Variants in MNDA observed in about 807,000 individuals in gnomAD.
The protein encoded by MNDA is epididymis secretory sperm binding protein.
In MNDA, 43 loss-of-function variants were observed where a neutral mutation model predicts 37.8. That is an observed-to-expected ratio of 1.14 (90% CI 0.89 to 1.47). MNDA has a LOEUF of 1.47. MNDA is among the 40% of genes most tolerant of loss of function. The pLI is 0.00. For missense variants in MNDA, 536 were observed against 476.0 expected (o/e 1.13, Z -1.17); for synonymous variants, 181 against 169.0 (o/e 1.07, Z -0.55).
At chr1:158,847,049 C>T (rs1054604649) in intron 5 of MNDA, among the ~76,000 whole-genome samples, 3 of 152,168 alleles carry the variant, frequency 2.0e-5, no homozygotes, top group African/African-American at 7.2e-5. Flanking sequence ...TCTGAAGTAA[C>T]TCAGGAGTGG....
At chr1:158,847,120 CAT>C (rs1659149249) in intron 5 of MNDA, among the ~76,000 whole-genome samples, 1 of 152,226 alleles carries the variant, frequency 6.6e-6, no homozygotes, top group Non-Finnish European at 1.5e-5. Flanking sequence ...TACACAAAGG[CAT>C]ACAGAGTGAT....
At chr1:158,847,977 T>G (rs1659174573) in intron 6 of MNDA, 61 bp downstream of exon 6, 2 of 1,500,148 alleles carry the variant, frequency 1.3e-6, no homozygotes, top group Non-Finnish European at 1.8e-6. Context: ...GCTTAGGCTT[T>G]GGGAACACCA....
chr1:158,833,701 A>T (rs1378146366), intron 1 of MNDA, among the ~76,000 whole-genome samples: 2 of 152,154 alleles, frequency 1.3e-5, no homozygotes, highest in Admixed American at 1.3e-4. Context: ...CATTTCATGT[A>T]TTTACCATAA....
rs1558058123 is a variant in MNDA, at chr1:158,845,746, ACT to A, written c.732_733del (p.Gln245IlefsTer25). 1 of 1,614,176 alleles carries A rather than the reference ACT, an allele frequency of 6.2e-7. No individual in the cohort carries two copies. The highest frequency in any genetic ancestry group is 1.7e-5 in the Admixed American group (1 of 60,024). On this transcript the variant is annotated frameshift_variant, in exon 5 of 7. Transcript: ENST00000368141. LOFTEE classifies it high-confidence loss of function. ...TMFHATVASK[T>X]QYFHVKVFDI... is the part of the protein sequence containing the mutation. ...GTTTCATGCTACAGTGGCCAGTAAG[ACT>A]CAATATTTCCATGTGAAAGTCTTCG...
In MNDA at chr1:158,842,157, G is replaced by A; in HGVS notation, c.4G>A (p.Val2Met). 6.2e-7 allele frequency: 1 copy of A among 1,609,210 alleles called. No homozygotes were observed. The highest frequency in any genetic ancestry group is 8.5e-7 in the Non-Finnish European group (1 of 1,177,760). The part of the protein sequence containing the change: M[V>M]NEYKKILLLK... ...AGGCCAAGCTATAACATCAGAAATG[G>A]TGAATGAATACAAGAAAATTCTTTT... The change falls in exon 2 of 7, where the codon GTG becomes ATG. Residue 2 changes from valine (V) to methionine (M), a missense_variant. Coordinates refer to ENST00000368141, the MANE Select transcript of MNDA (RefSeq NM_002432.3).
intron 1 of MNDA, among the ~76,000 whole-genome samples, chr1:158,832,000 T>C (rs781091392): frequency 6.6e-6 from 1 of 152,164 alleles, no homozygotes; most frequent in Non-Finnish European, 1.5e-5. Flanking sequence ...AGCATAGACA[T>C]GTGCACACAT....
rs753733875 is a variant in MNDA at position 158,845,799 on chromosome 1, A to G, written c.783A>G (p.Val261=). 1 of 1,614,066 alleles carries G rather than the reference A, an allele frequency of 6.2e-7. No homozygotes were observed. Among genetic ancestry groups the G allele is most frequent in the Admixed American group, 1.7e-5 (1 of 60,010 alleles). ...VFDINLKEKF[V]RKKVITISDY... Reference sequence around the variant, plus strand: ...ACATCAACTTGAAAGAGAAATTTGTAAGGAAGAAGGTCATTACCATATCTG... The same window carrying G: ...ACATCAACTTGAAAGAGAAATTTGTGAGGAAGAAGGTCATTACCATATCTG... The change falls in exon 5 of 7, where the codon GTA becomes GTG. Residue 261 remains valine, a synonymous_variant. Transcript: ENST00000368141.
intron 1 of MNDA, among the ~76,000 whole-genome samples, chr1:158,841,452 T>C (rs1377755271): frequency 6.6e-6 from 1 of 152,144 alleles, no homozygotes; most frequent in African/African-American, 2.4e-5. Flanking sequence ...TAATTGACTG[T>C]AAAAAACAAA....
At chr1:158,845,407 T>C (rs965798118) in intron 4 of MNDA, among the ~76,000 whole-genome samples, 180 bp from the exon 5 acceptor site, 3 of 152,076 alleles carry the variant, frequency 2.0e-5, no homozygotes, top group African/African-American at 7.2e-5. Flanking sequence ...CCGGCTAGTT[T>C]TTTTTGTATT....
intron 4 of MNDA, 56 bp downstream of exon 4, chr1:158,844,178 C>G: frequency 7.5e-7 from 1 of 1,341,448 alleles, no homozygotes; most frequent in Non-Finnish European, 1.0e-6. Flanking sequence ...ACAGTGCATT[C>G]CACTGTTACT....
rs759408577 is a variant in MNDA at position 158,847,824 on chromosome 1, GAGAA to G, written c.1087_1090del (p.Lys363GlufsTer11). ...TGGAAAATGGCACAATATCAAGTGT[GAGAA>G]AGGAGATAAACTTCGACTCTTCTGC... On this transcript the variant is annotated frameshift_variant, in exon 6 of 7. Coordinates refer to ENST00000368141, the MANE Select transcript of MNDA (RefSeq NM_002432.3). LOFTEE classifies it high-confidence loss of function. The G allele has an allele frequency of 5.3e-5, 86 of 1,614,098 alleles. No individual in the cohort carries two copies. Among genetic ancestry groups the G allele is most frequent in the Middle Eastern group, 1.6e-4 (1 of 6,062 alleles).
chr1:158,843,857 C>A, intron 3 of MNDA, 98 bp from the exon 4 acceptor site: 1 of 1,099,994 alleles, frequency 9.1e-7, no homozygotes, highest in Non-Finnish European at 1.3e-6. Flanking sequence ...TCCCATCCAA[C>A]ATAAATAGAA....
At position 158,845,665 on chromosome 1, in the gene MNDA, C is replaced by T. The variant is rs1157486940; in HGVS notation, c.649C>T (p.Leu217=). 6.2e-7 allele frequency: 1 copy of T among 1,613,984 alleles called. No homozygotes were observed. Among genetic ancestry groups the T allele is most frequent in the Non-Finnish European group, 8.5e-7 (1 of 1,179,992 alleles). Residue 217 remains leucine (L), a synonymous_variant, in exon 5 of 7, where the codon CTG becomes TTG. Transcript: ENST00000368141. Reference sequence around the variant, plus strand: ...AAACGACCCAGTGACAGTGGTGGTACTGAAAGCAACAGCGCCATTTAAATA... The same window carrying T: ...AAACGACCCAGTGACAGTGGTGGTATTGAAAGCAACAGCGCCATTTAAATA... ...PQNDPVTVVV[L]KATAPFKYES...
intron 1 of MNDA, among the ~76,000 whole-genome samples, chr1:158,834,357 C>T (rs1207265282): frequency 6.6e-6 from 1 of 151,790 alleles, no homozygotes; most frequent in East Asian, 1.9e-4. Flanking sequence ...CTCAGCCTCC[C>T]ATGTAGCTGG....
rs753550920 is a variant in MNDA at position 158,843,980 on chromosome 1, A to T, written c.428A>T (p.Lys143Met). The T allele has an allele frequency of 6.3e-7, 1 of 1,597,438 alleles. No individual in the cohort carries two copies. The highest frequency in any genetic ancestry group is 1.4e-5 in the African/African-American group (1 of 73,802). ...AAAAGAAAAACTCCAAACAAAGAAAAGACTGAAGCCAAAAGGAATAAGGTG... is the reference window on the plus strand; with the variant it reads ...AAAAGAAAAACTCCAAACAAAGAAATGACTGAAGCCAAAAGGAATAAGGTG... ...AQKRKTPNKE[K>M]TEAKRNKVSQ... The change falls in exon 4 of 7, where the codon AAG (lysine) becomes ATG (methionine). Residue 143 changes from lysine (K) to methionine (M), a missense_variant. Physicochemically the swap from Lys to Met is moderately conservative, Grantham distance 95. Coordinates refer to ENST00000368141, the MANE Select transcript of MNDA (RefSeq NM_002432.3).
intron 4 of MNDA, among the ~76,000 whole-genome samples, chr1:158,845,219 GT>G (rs375031108): frequency 6.9e-6 from 1 of 145,690 alleles, no homozygotes; most frequent in African/African-American, 2.6e-5. Context: ...AGTTTTTGTT[GT>G]TGTTTGTTTG....
intron 1 of MNDA, among the ~76,000 whole-genome samples, chr1:158,837,322 A>C (rs1026720264): frequency 6.6e-6 from 1 of 151,804 alleles, no homozygotes; most frequent in African/African-American, 2.4e-5. Flanking sequence ...GTCTCTTACT[A>C]TTACCTTAGA....
chr1:158,840,320 C>T (rs556355248), intron 1 of MNDA, among the ~76,000 whole-genome samples: 2 of 152,206 alleles, frequency 1.3e-5, no homozygotes, highest in South Asian at 2.1e-4. Flanking sequence ...CTCACAGTTC[C>T]GCACGGCTGG....
chr1:158,834,197 C>T (rs1253371327), intron 1 of MNDA, among the ~76,000 whole-genome samples: 1 of 150,942 alleles, frequency 6.6e-6, no homozygotes, highest in South Asian at 2.1e-4. Context: ...TTGTATAGCA[C>T]CTTTGAAGAA....
Sources: allele counts gnomAD v4.1 joint callset (sites outside exome capture counted in the v4.1 genomes callset), GRCh38; gene constraint gnomAD v4.1.1; transcripts MANE v1.5; gene names NCBI Gene and HGNC (gene_info 2026-07-23, HGNC 2026-07-21).